Variants in ASMTL observed in about 807,000 individuals in gnomAD.
The protein encoded by ASMTL is probable bifunctional dTTP/UTP pyrophosphatase/methyltransferase protein.
In ASMTL, 57 loss-of-function variants were observed where a neutral mutation model predicts 60.3. The observed-to-expected ratio is 0.95, with a 90% confidence interval of 0.76 to 1.18. ASMTL has a LOEUF of 1.18. Ranked by LOEUF, ASMTL falls within the 50% of genes most tolerant of loss-of-function variation. The probability of loss-of-function intolerance (pLI) is 0.00; values close to 1 mark genes in which losing one functional copy is unlikely to be tolerated. For synonymous variants in ASMTL, 419 were observed against 373.0 expected (o/e 1.12, Z -1.42); for missense variants, 981 against 852.6 (o/e 1.15, Z -1.88).
intron 12 of ASMTL, among the ~76,000 whole-genome samples, chrX:1,406,704 T>G (rs759648552): frequency 1.3e-5 from 2 of 151,722 alleles, no homozygotes; most frequent in African/African-American, 4.8e-5. Flanking sequence ...GATAGATGGA[T>G]GCATGCATGA....
intron 8 of ASMTL, among the ~76,000 whole-genome samples, chrX:1,425,083 T>G (rs1449195876): frequency 4.6e-5 from 7 of 151,970 alleles, no homozygotes; most frequent in Non-Finnish European, 8.8e-5. Flanking sequence ...CATTTATATA[T>G]CAACTCTACC....
chrX:1,431,721 T>C (rs1396995597), intron 6 of ASMTL, among the ~76,000 whole-genome samples: 1 of 149,326 alleles, frequency 6.7e-6, no homozygotes, highest in Non-Finnish European at 1.5e-5. Context: ...TAATTGTAAA[T>C]ATATATCATG....
Position 1,438,128 on chromosome X carries a change from A to C in ASMTL, c.273+969T>G, listed in dbSNP as rs189176979. On this transcript the variant is annotated intron_variant, in intron 3 of 12. Coordinates refer to ENST00000381317, the MANE Select transcript of ASMTL (RefSeq NM_004192.4). ...ACATGGTGAAACCCCGTCTCTACTA[A>C]AAATACAAAAATCAGCCGGGCGTGG... is the stretch of plus-strand genomic sequence containing the variant. Among the ~76,000 whole-genome samples the C allele has an allele frequency of 3.0e-3, 451 of 151,616 alleles. 6 individuals carry two copies. The highest frequency in any genetic ancestry group is 0.01 in the African/African-American group (428 of 41,338).
At chrX:1,416,588 CATACACACATAT>C (rs1197777262) in intron 11 of ASMTL, among the ~76,000 whole-genome samples, 1 of 108,844 alleles carries the variant, frequency 9.2e-6, no homozygotes, top group Non-Finnish European at 2.1e-5. Flanking sequence ...GACACACAGA[CATACACACATAT>C]ACCCACACAG....
chrX:1,419,323 G>A lies in ASMTL; in HGVS notation c.1246-209C>T, dbSNP rs761877844. Among the ~76,000 whole-genome samples, 372 of 152,274 alleles carry A rather than the reference G, an allele frequency of 2.4e-3. 1 individual carries two copies. Among genetic ancestry groups the A allele is most frequent in the Non-Finnish European group, 4.1e-3 (278 of 68,002 alleles). The stretch of plus-strand genomic sequence containing the variant: ...CTGGCTGGGGACAGAGGACCCCAAA[G>A]TGGTGGACGATCTCCTTGGAATCAC... On this transcript the variant is annotated intron_variant, in intron 9 of 12. Coordinates refer to ENST00000381317, the MANE Select transcript of ASMTL (RefSeq NM_004192.4).
intron 12 of ASMTL, among the ~76,000 whole-genome samples, chrX:1,411,194 A>G (rs1298512238): frequency 6.9e-6 from 1 of 145,140 alleles, no homozygotes; most frequent in Non-Finnish European, 1.5e-5. Context: ...AAAAAAAAAA[A>G]AGAAGAGAGA....
intron 6 of ASMTL, among the ~76,000 whole-genome samples, chrX:1,429,139 C>A (rs1477403609): frequency 6.6e-6 from 1 of 151,460 alleles, no homozygotes; most frequent in South Asian, 2.1e-4. Flanking sequence ...AGGTGATGCG[C>A]CTGCCTCGGC....
intron 5 of ASMTL, 124 bp from the exon 6 acceptor site, chrX:1,432,501 C>A (rs1409769022): frequency 1.9e-5 from 14 of 721,376 alleles, no homozygotes; most frequent in Non-Finnish European, 3.0e-5. Context: ...GATATGGATG[C>A]TTCATGGGAG....
chrX:1,413,383 A>G (rs1240706719), intron 11 of ASMTL, among the ~76,000 whole-genome samples: 1 of 152,200 alleles, frequency 6.6e-6, no homozygotes, highest in Non-Finnish European at 1.5e-5. Context: ...ATTCAGGGGC[A>G]GCACCTGGGC....
At chrX:1,428,519 C>T (rs1336695338) in intron 6 of ASMTL, among the ~76,000 whole-genome samples, 6 of 151,386 alleles carry the variant, frequency 4.0e-5, no homozygotes, top group South Asian at 2.1e-4. Context: ...TGGTGGCACA[C>T]GCCTGTAATC....
chrX:1,449,206 C>T (rs2091295862), intron 1 of ASMTL, among the ~76,000 whole-genome samples: 1 of 152,136 alleles, frequency 6.6e-6, no homozygotes, highest in South Asian at 2.1e-4. Context: ...GGCTTGTTCT[C>T]CAAAATAAAC....
chrX:1,427,688 G>T (rs1346025813), intron 7 of ASMTL, 46 bp downstream of exon 7: 47 of 1,551,400 alleles, frequency 3.0e-5, no homozygotes, highest in Non-Finnish European at 3.9e-5. Context: ...AGCCGAGTGT[G>T]TAGGCTCATT....
intron 12 of ASMTL, among the ~76,000 whole-genome samples, chrX:1,406,132 A>G (rs2089826985): frequency 6.7e-6 from 1 of 149,198 alleles, no homozygotes; most frequent in Non-Finnish European, 1.5e-5. Flanking sequence ...GGATGTATAG[A>G]TGGATGCATG....
chrX:1,432,954 CG>C (rs1207605764), intron 5 of ASMTL, among the ~76,000 whole-genome samples: 2 of 152,252 alleles, frequency 1.3e-5, no homozygotes, highest in African/African-American at 4.8e-5. Context: ...AAAAATTAGC[CG>C]GGCGTGGTGG....
chrX:1,418,273 G>C (rs1242163048), intron 10 of ASMTL, 157 bp from the exon 11 acceptor site: 5 of 343,738 alleles, frequency 1.5e-5, no homozygotes, highest in Non-Finnish European at 1.2e-5. Flanking sequence ...TGGTATCCCA[G>C]ACAAGACTGT....
chrX:1,418,075 G>A lies in ASMTL; in HGVS notation c.1420C>T (p.Pro474Ser). 1.2e-6 allele frequency: 2 copies of A among 1,612,420 alleles called. No homozygotes were observed. Among genetic ancestry groups the A allele is most frequent in the African/African-American group, 1.3e-5 (1 of 75,018 alleles). Residue 474 changes from proline (P) to serine (S), a missense_variant, in exon 11 of 13, where the codon CCT (proline) becomes TCT (serine). Transcript: ENST00000381317. ...ALARELAREYPRMQVTVFDLP... is the reference protein window; with the variant it reads ...ALARELAREYSRMQVTVFDLP... ...TCAAACACAGTCACCTGCATACGAG[G>A]GTACTCACGGGCCAGCTCTCGGGCC...
intron 11 of ASMTL, among the ~76,000 whole-genome samples, chrX:1,417,550 C>T (rs1438458568): frequency 7.6e-6 from 1 of 131,972 alleles, no homozygotes; most frequent in African/African-American, 2.8e-5. Flanking sequence ...CACACAGACA[C>T]ACAAGCACGA....
chrX:1,444,795 C>A (rs1449132403), intron 1 of ASMTL, among the ~76,000 whole-genome samples: 1 of 152,042 alleles, frequency 6.6e-6, no homozygotes, highest in Non-Finnish European at 1.5e-5. Context: ...TCTCTGGCCA[C>A]CCCTCCCATC....
chrX:1,430,965 T>C (rs184178224), intron 6 of ASMTL, among the ~76,000 whole-genome samples: 12,646 of 139,996 alleles, frequency 0.09, 722 homozygotes, highest in Admixed American at 0.13. Context: ...TATATTTAAT[T>C]AATATATAAT....
Sources: gnomAD v4.1 joint callset for allele counts (sites outside exome capture counted in the v4.1 genomes callset) on GRCh38, gnomAD v4.1.1 for gene constraint, MANE v1.5 for transcripts, NCBI Gene and HGNC (gene_info 2026-07-23, HGNC 2026-07-21) for gene names.